The following ONECUT3 variants were observed in gnomAD, a reference collection of about 807,000 sequenced individuals.
The protein encoded by ONECUT3 is one cut homeobox 3.
Under a neutral mutation model 16.8 loss-of-function variants are expected in ONECUT3, and 11 were observed. That is an observed-to-expected ratio of 0.66 (90% CI 0.41 to 1.09). The LOEUF is 1.09. ONECUT3 is among the 50% of genes least tolerant of loss of function. ONECUT3 has a pLI of 0.00. For synonymous variants in ONECUT3, 344 were observed against 310.7 expected (o/e 1.11, Z -1.13); for missense variants, 637 against 629.9 (o/e 1.01, Z -0.12).
intron 1 of ONECUT3, among the ~76,000 whole-genome samples, chr19:1,772,176 AT>A (rs970176682): frequency 1.3e-5 from 2 of 149,544 alleles, no homozygotes; most frequent in Non-Finnish European, 3.0e-5. Flanking sequence ...CACTCAGCTA[AT>A]TTTTTTTGTA....
Position 1,755,556 on chromosome 19 carries a change from GCGCC to G in ONECUT3, c.1192+708_1192+711del, listed in dbSNP as rs1489675496. 6.6e-6 allele frequency among the ~76,000 whole-genome samples: 1 copy of G among 152,002 alleles called. No individual in the cohort carries two copies. On this transcript the variant is annotated intron_variant, in intron 1 of 1. Coordinates refer to ENST00000382349, the MANE Select transcript of ONECUT3 (RefSeq NM_001080488.2). The surrounding 1 kb of genome is among the most constrained non-coding windows in gnomAD (Gnocchi z 7.5). Reference sequence around the variant, plus strand: ...CCGGAGGCCTTCACACCCCGACCCGGCGCCCGCCCCGCGCAGTTTGGTCGTGGCT... The same window carrying G: ...CCGGAGGCCTTCACACCCCGACCCGGCGCCCCGCGCAGTTTGGTCGTGGCT...
At chr19:1,770,038 T>C (rs1237063879) in intron 1 of ONECUT3, among the ~76,000 whole-genome samples, 2 of 152,068 alleles carry the variant, frequency 1.3e-5, no homozygotes, top group African/African-American at 4.8e-5. Flanking sequence ...TGGGCAAGCC[T>C]GAGGGGTGGC....
Position 1,764,222 on chromosome 19 carries a change from C to G in ONECUT3, c.1192+9368C>G, listed in dbSNP as rs1000881443. Reference sequence around the variant, plus strand: ...TTGAGGGTGCCTGAATGGGGTGGGTCTCTGTAGCTGAATGTCCGAGGGTGA... The same window carrying G: ...TTGAGGGTGCCTGAATGGGGTGGGTGTCTGTAGCTGAATGTCCGAGGGTGA... On this transcript the variant is annotated intron_variant, in intron 1 of 1. Transcript: ENST00000382349. The surrounding 1 kb of genome is among the most constrained non-coding windows in gnomAD (Gnocchi z 5.0). Among the ~76,000 whole-genome samples, 1 of 152,158 alleles carries G rather than the reference C, an allele frequency of 6.6e-6. No individual in the cohort carries two copies. The highest frequency in any genetic ancestry group is 1.5e-5 in the Non-Finnish European group (1 of 68,036).
Position 1,764,716 on chromosome 19 carries a change from A to T in ONECUT3, c.1192+9862A>T, listed in dbSNP as rs1189336938. Reference sequence around the variant, plus strand: ...GGTGCAGGGTGTAGACAGAGGGTGTAGGTATGTGACCCGGGCCCCCCACAG... The same window carrying T: ...GGTGCAGGGTGTAGACAGAGGGTGTTGGTATGTGACCCGGGCCCCCCACAG... On this transcript the variant is annotated intron_variant, in intron 1 of 1. Coordinates refer to ENST00000382349, the MANE Select transcript of ONECUT3 (RefSeq NM_001080488.2). The surrounding 1 kb of genome is among the most constrained non-coding windows in gnomAD (Gnocchi z 5.0). Among the ~76,000 whole-genome samples, 1 of 149,700 alleles carries T rather than the reference A, an allele frequency of 6.7e-6. No homozygotes were observed. Among genetic ancestry groups the T allele is most frequent in the Non-Finnish European group, 1.5e-5 (1 of 67,528 alleles).
rs897975462 is a variant in ONECUT3 at position 1,780,463 on chromosome 19, G to A, written c.*5018G>A. ...GCACAGATGTGCCAGCTTGGGAACA[G>A]AGGCTGGAGGAGAGGGCGGCAGGGG... On this transcript the variant is annotated 3_prime_UTR_variant, in exon 2 of 2. Transcript: ENST00000382349. 1 of 152,354 alleles carries A rather than the reference G, an allele frequency of 6.6e-6. No individual in the cohort carries two copies. Among genetic ancestry groups the A allele is most frequent in the African/African-American group, 2.4e-5 (1 of 41,450 alleles). The allele number at this position is 152,354 out of a possible 1,614,324, so 9.4% of individuals were successfully genotyped here.
intron 1 of ONECUT3, 79 bp from the exon 2 acceptor site, chr19:1,775,074 T>A (rs1424834172): frequency 1.1e-6 from 1 of 915,424 alleles, no homozygotes; most frequent in Admixed American, 3.2e-5. Flanking sequence ...CCGGGCGGCG[T>A]GCGCCTCCTG....
chr19:1,774,365 G>C (rs1051190764), intron 1 of ONECUT3, among the ~76,000 whole-genome samples: 1 of 151,702 alleles, frequency 6.6e-6, no homozygotes, highest in Non-Finnish European at 1.5e-5. Context: ...AGGATCACTT[G>C]AGGCCAGGCG....
chr19:1,775,081 C>A, intron 1 of ONECUT3, 72 bp from the exon 2 acceptor site: 1 of 1,064,118 alleles, frequency 9.4e-7, no homozygotes, highest in South Asian at 1.7e-5. Flanking sequence ...GCGTGCGCCT[C>A]CTGCCTCTCC....
chr19:1,761,750 C>T (rs1053465016), intron 1 of ONECUT3, among the ~76,000 whole-genome samples: 4 of 152,198 alleles, frequency 2.6e-5, no homozygotes, highest in Admixed American at 6.5e-5. Flanking sequence ...CAGGGAGACC[C>T]ACCTGACCTT....
chr19:1,754,777 G>A lies in ONECUT3; in HGVS notation c.1115G>A (p.Gly372Asp). Residue 372 changes from glycine to aspartate, a missense_variant, in exon 1 of 2, where the codon GGC becomes GAC. Transcript: ENST00000382349. This position sits in a 1 kb window ranked among gnomAD's most constrained non-coding sequence, Gnocchi z 7.4. The part of the protein sequence containing the change: ...NPKPWSKLKS[G>D]RETFRRMWKW... ...AAGCCGTGGAGCAAGCTCAAATCCG[G>A]CCGCGAGACCTTCCGCAGGATGTGG... 6.4e-6 allele frequency: 10 copies of A among 1,565,854 alleles called. No homozygotes were observed. Among genetic ancestry groups the A allele is most frequent in the Non-Finnish European group, 8.6e-6 (10 of 1,157,820 alleles).
chr19:1,771,771 C>G (rs1394272151), intron 1 of ONECUT3, among the ~76,000 whole-genome samples: 4 of 151,806 alleles, frequency 2.6e-5, no homozygotes, highest in African/African-American at 9.7e-5. Flanking sequence ...CCTTGACCTT[C>G]TGGGCTCAAA....
Position 1,754,833 on chromosome 19 carries a change from A to T in ONECUT3, c.1171A>T (p.Met391Leu). ...KWLQEPEFQRMSALRLAACKR... is the reference protein window; with the variant it reads ...KWLQEPEFQRLSALRLAACKR... ...GCTGCAGGAGCCAGAGTTCCAGCGC[A>T]TGTCGGCGCTGCGCTTGGCAGGTAG... Residue 391 changes from methionine (M) to leucine (L), a missense_variant, in exon 1 of 2, where the codon ATG becomes TTG. This residue lies in a region of ONECUT3 where 183 missense variants were observed against 188.3 expected (regional missense o/e 0.97). Coordinates refer to ENST00000382349, the MANE Select transcript of ONECUT3 (RefSeq NM_001080488.2). The surrounding 1 kb of genome is among the most constrained non-coding windows in gnomAD (Gnocchi z 7.4). The T allele has an allele frequency of 6.6e-7, 1 of 1,525,096 alleles. No individual in the cohort carries two copies. Among genetic ancestry groups the T allele is most frequent in the Non-Finnish European group, 8.8e-7 (1 of 1,134,284 alleles). The allele number at this position is 1,525,096 out of a possible 1,614,324, so 94.5% of individuals were successfully genotyped here. A position where few individuals can be genotyped will look rare whatever the true frequency, so the allele number is the denominator to read the frequency against.
chr19:1,768,028 G>A (rs1600350690), intron 1 of ONECUT3, among the ~76,000 whole-genome samples: 3 of 152,076 alleles, frequency 2.0e-5, no homozygotes, highest in South Asian at 4.2e-4. Context: ...AGAGCCTCTC[G>A]GGGGTGATTG....
At chr19:1,772,046 G>A (rs376174945) in intron 1 of ONECUT3, among the ~76,000 whole-genome samples, 2 of 150,288 alleles carry the variant, frequency 1.3e-5, no homozygotes, top group Admixed American at 1.3e-4. Flanking sequence ...ACGGAGTCTC[G>A]CTCTGTTGCC....
rs1346488870 is a variant in ONECUT3, at chr19:1,764,215, G to A, written c.1192+9361G>A. 2.6e-5 allele frequency among the ~76,000 whole-genome samples: 4 copies of A among 152,148 alleles called. No homozygotes were observed. The highest frequency in any genetic ancestry group is 7.2e-5 in the African/African-American group (3 of 41,410). ...CTCCTGTTTGAGGGTGCCTGAATGG[G>A]GTGGGTCTCTGTAGCTGAATGTCCG... On this transcript the variant is annotated intron_variant, in intron 1 of 1. Coordinates refer to ENST00000382349, the MANE Select transcript of ONECUT3 (RefSeq NM_001080488.2). The surrounding 1 kb of genome is among the most constrained non-coding windows in gnomAD (Gnocchi z 5.0).
At chr19:1,773,920 C>T (rs956506804) in intron 1 of ONECUT3, among the ~76,000 whole-genome samples, 8 of 152,230 alleles carry the variant, frequency 5.3e-5, no homozygotes, top group Non-Finnish European at 1.2e-4. Context: ...AGCCCTGCCC[C>T]ATCACCCCGA....
Position 1,766,066 on chromosome 19 carries a change from C to T in ONECUT3, c.1193-9087C>T, listed in dbSNP as rs139724079. ...CCACAAGCTGATGCCGGTTTTCCCG[C>T]CCAGAACTGGAACAGCTTTCCTAAC... On this transcript the variant is annotated intron_variant, in intron 1 of 1. Coordinates refer to ENST00000382349, the MANE Select transcript of ONECUT3 (RefSeq NM_001080488.2). The surrounding 1 kb of genome is among the most constrained non-coding windows in gnomAD (Gnocchi z 4.0). 2.9e-4 allele frequency among the ~76,000 whole-genome samples: 44 copies of T among 152,376 alleles called. No individual in the cohort carries two copies. In the East Asian group the frequency reaches 6.9e-3, roughly 24 times the overall value.
In ONECUT3 at chr19:1,755,187, G is replaced by A. The variant is rs949750694; in HGVS notation, c.1192+333G>A. On this transcript the variant is annotated intron_variant, in intron 1 of 1. Coordinates refer to ENST00000382349, the MANE Select transcript of ONECUT3 (RefSeq NM_001080488.2). This position sits in a 1 kb window ranked among gnomAD's most constrained non-coding sequence, Gnocchi z 7.5. ...AGCAGCCCTCAGGGAAGCTCATTGT[G>A]TGTGTGCGTGTGTGTGTGTGAGCGC... Among the ~76,000 whole-genome samples the A allele has an allele frequency of 1.1e-4, 17 of 152,104 alleles. No individual in the cohort carries two copies. Among genetic ancestry groups the A allele is most frequent in the Non-Finnish European group, 2.4e-4 (16 of 68,028 alleles).
In ONECUT3 at chr19:1,778,291, T is replaced by TG. The variant is rs1390396930; in HGVS notation, c.*2850dup. The TG allele has an allele frequency of 2.0e-5, 3 of 152,048 alleles. No individual in the cohort carries two copies. The highest frequency in any genetic ancestry group is 7.2e-5 in the African/African-American group (3 of 41,392). 9.4% of individuals were successfully genotyped at this position (152,048 alleles called of 1,614,324 possible). ...TTTTTTAAGGGATTTCTTGTAGATA[T>TG]GGGGTCTCACTATGCTGCCCAGGCT... is the stretch of plus-strand genomic sequence containing the variant. On this transcript the variant is annotated 3_prime_UTR_variant, in exon 2 of 2. Transcript: ENST00000382349.
Sources: allele counts gnomAD v4.1 joint callset (sites outside exome capture counted in the v4.1 genomes callset), GRCh38; gene constraint gnomAD v4.1.1; regional missense constraint gnomAD v4.1.1; non-coding constraint Gnocchi (gnomAD v3.1); transcripts MANE v1.5; gene names NCBI Gene and HGNC (gene_info 2026-07-23, HGNC 2026-07-21).